The following ZMAT3 variants were observed in gnomAD, a reference collection of about 807,000 sequenced individuals.
The protein encoded by ZMAT3 is zinc finger matrin-type 3.
ZMAT3 carries 17 observed loss-of-function variants against 32.3 expected under a neutral mutation model. The ratio of observed to expected loss-of-function variants is 0.53; its 90% confidence interval spans 0.36 to 0.79. The LOEUF (loss-of-function observed/expected upper bound fraction) is 0.79. Ranked by LOEUF, ZMAT3 falls within the 30% of genes least tolerant of loss-of-function variation. The probability of loss-of-function intolerance (pLI) is 0.00; values close to 1 mark genes in which losing one functional copy is unlikely to be tolerated. For missense variants in ZMAT3, 329 were observed against 359.7 expected (o/e 0.91, Z 0.69); for synonymous variants, 120 against 133.1 (o/e 0.90, Z 0.68).
At chr3:179,058,314 G>A (rs1720959089) in intron 2 of ZMAT3, among the ~76,000 whole-genome samples, 1 of 152,204 alleles carries the variant, frequency 6.6e-6, no homozygotes, top group Non-Finnish European at 1.5e-5. Flanking sequence ...ACTCAACCCA[G>A]CCACATTTCT....
intron 2 of ZMAT3, among the ~76,000 whole-genome samples, chr3:179,039,621 G>A (rs1449216215): frequency 6.6e-6 from 1 of 152,136 alleles, no homozygotes; most frequent in Non-Finnish European, 1.5e-5. Flanking sequence ...AAAAAGATGG[G>A]GAGAAACCAG....
In ZMAT3 at chr3:179,023,689, A is replaced by AATATATAAATAT. The variant is rs1232846996; in HGVS notation, c.*1327_*1328insATATTTATATAT. On this transcript the variant is annotated 3_prime_UTR_variant, in exon 6 of 6. Transcript: ENST00000311417. ...CTTTGTTTCCTAAAAACTGCTGGAAAATATATCTATATATATATATATTTT... is the reference window on the plus strand; with the variant it reads ...CTTTGTTTCCTAAAAACTGCTGGAAAATATATAAATATATATATCTATATATATATATATTTT... 57 of 42,262 alleles carry AATATATAAATAT rather than the reference A, an allele frequency of 1.3e-3. 5 individuals carry two copies. Among genetic ancestry groups the AATATATAAATAT allele is most frequent in the South Asian group, 3.7e-3 (4 of 1,086 alleles). 2.6% of individuals were successfully genotyped at this position (42,262 alleles called of 1,614,324 possible). A position where few individuals can be genotyped will look rare whatever the true frequency, so the allele number is the denominator to read the frequency against.
rs538807496 is a variant in ZMAT3, at chr3:179,056,917, A to G, written c.270+10566T>C. On this transcript the variant is annotated intron_variant, in intron 2 of 5. Transcript: ENST00000311417. ...CATTCTAGCAAAAGCAGGGGCCATT[A>G]TACACCTGAACATAGGAGAAGGAAC... is the stretch of plus-strand genomic sequence containing the variant. Among the ~76,000 whole-genome samples, 3 of 152,312 alleles carry G rather than the reference A, an allele frequency of 2.0e-5. No individual in the cohort carries two copies. The South Asian group carries it at 6.2e-4, about 32-fold the overall frequency.
chr3:179,030,054 T>C (rs1282411581), intron 3 of ZMAT3, among the ~76,000 whole-genome samples: 1 of 152,198 alleles, frequency 6.6e-6, no homozygotes, highest in Admixed American at 6.5e-5. Flanking sequence ...AAGAGTAGAC[T>C]CCATGTTTCA....
intron 3 of ZMAT3, among the ~76,000 whole-genome samples, chr3:179,030,505 CCA>C (rs1719123387): frequency 6.6e-6 from 1 of 152,046 alleles, no homozygotes; most frequent in South Asian, 2.1e-4. Flanking sequence ...CAGGTGCCCG[CCA>C]CCACGCCTGG....
At chr3:179,063,928 A>G (rs1721273592) in intron 2 of ZMAT3, among the ~76,000 whole-genome samples, 1 of 152,232 alleles carries the variant, frequency 6.6e-6, no homozygotes, top group Admixed American at 6.5e-5. Context: ...TAAATCTGTG[A>G]TGACTACAGA....
At chr3:179,037,543 C>T (rs139577007) in intron 2 of ZMAT3, among the ~76,000 whole-genome samples, 23 of 152,244 alleles carry the variant, frequency 1.5e-4, no homozygotes, top group Admixed American at 6.5e-4. Flanking sequence ...GCGGAGTGAG[C>T]TCGGTGGAAT....
At chr3:179,067,393 C>T in intron 2 of ZMAT3, 90 bp downstream of exon 2, 1 of 1,360,338 alleles carries the variant, frequency 7.4e-7, no homozygotes, top group Non-Finnish European at 1.0e-6. Flanking sequence ...GTATTCCAGG[C>T]ACAGTCATAT....
rs1450452421 is a variant in ZMAT3, at chr3:179,023,588, A to T, written c.*1429T>A. 3.4e-5 allele frequency: 5 copies of T among 147,786 alleles called. No individual in the cohort carries two copies. The Admixed American group carries it at 3.4e-4, about 10-fold the overall frequency. 9.2% of individuals were successfully genotyped at this position (147,786 alleles called of 1,614,324 possible). A position where few individuals can be genotyped will look rare whatever the true frequency, so the allele number is the denominator to read the frequency against. On this transcript the variant is annotated 3_prime_UTR_variant, in exon 6 of 6. Transcript: ENST00000311417. ...GCAAAACAAAATATCAAGCAATCTG[A>T]ACTTATGGTTTAGATCATGATATAA...
At position 179,024,961 on chromosome 3, in the gene ZMAT3, T is replaced by G; in HGVS notation, c.*56A>C. 3 of 1,561,142 alleles carry G rather than the reference T, an allele frequency of 1.9e-6. No individual in the cohort carries two copies. The highest frequency in any genetic ancestry group is 1.7e-5 in the Admixed American group (1 of 59,890). ...CAAAAAGACCACAAAGCAGGGCAAG[T>G]TGACAAAAGGCAAACAACAGGCAGG... On this transcript the variant is annotated 3_prime_UTR_variant, in exon 6 of 6. Coordinates refer to ENST00000311417, the MANE Select transcript of ZMAT3 (RefSeq NM_022470.4).
chr3:179,052,033 T>G (rs1720593111), intron 2 of ZMAT3, among the ~76,000 whole-genome samples: 1 of 152,212 alleles, frequency 6.6e-6, no homozygotes. Flanking sequence ...CAACTAGAGA[T>G]GGATCAAAGA....
intron 1 of ZMAT3, among the ~76,000 whole-genome samples, chr3:179,069,998 T>C (rs1397273667): frequency 6.6e-6 from 1 of 152,062 alleles, no homozygotes; most frequent in African/African-American, 2.4e-5. Flanking sequence ...CGGAACTAAG[T>C]AGACAAAGAA....
In ZMAT3 at chr3:179,027,959, C is replaced by T. The variant is rs1429326235; in HGVS notation, c.391-147G>A. ...AGCTTCATCAAGAAAATAATTCAAT[C>T]CAGGAAAACAAAAAGGCTGGGAGAT... On this transcript the variant is annotated intron_variant, in intron 3 of 5. Transcript: ENST00000311417. The T allele has an allele frequency of 3.6e-6, 3 of 825,366 alleles. No homozygotes were observed. In the African/African-American group the frequency reaches 5.2e-5, roughly 14 times the overall value. The allele number at this position is 825,366 out of a possible 1,614,324, so 51.1% of individuals were successfully genotyped here.
chr3:179,067,406 G>C, intron 2 of ZMAT3, 77 bp downstream of exon 2: 1 of 1,488,090 alleles, frequency 6.7e-7, no homozygotes. Context: ...AGTCATATCT[G>C]GAGAGACAAC....
At position 179,055,832 on chromosome 3, in the gene ZMAT3, G is replaced by A. The variant is rs530776086; in HGVS notation, c.270+11651C>T. On this transcript the variant is annotated intron_variant, in intron 2 of 5. Transcript: ENST00000311417. ...AGAAGTGCCGCTGTAACTGCAGCCC[G>A]AGAGTTTGGCGATCTTTGGTATCTC... Among the ~76,000 whole-genome samples, 6 of 152,280 alleles carry A rather than the reference G, an allele frequency of 3.9e-5. No individual in the cohort carries two copies. In the South Asian group the frequency reaches 1.0e-3, roughly 26 times the overall value.
intron 2 of ZMAT3, among the ~76,000 whole-genome samples, chr3:179,064,296 T>C (rs2108587402): frequency 6.6e-6 from 1 of 152,386 alleles, no homozygotes; most frequent in Non-Finnish European, 1.5e-5. Flanking sequence ...ATGCTCTGTA[T>C]TAAAAATTAG....
At position 179,023,602 on chromosome 3, in the gene ZMAT3, A is replaced by G. The variant is rs1395011119; in HGVS notation, c.*1415T>C. 5 of 145,286 alleles carry G rather than the reference A, an allele frequency of 3.4e-5. No individual in the cohort carries two copies. Among genetic ancestry groups the G allele is most frequent in the African/African-American group, 7.7e-5 (3 of 39,064 alleles). The allele number at this position is 145,286 out of a possible 1,614,324, so 9.0% of individuals were successfully genotyped here. On this transcript the variant is annotated 3_prime_UTR_variant, in exon 6 of 6. Coordinates refer to ENST00000311417, the MANE Select transcript of ZMAT3 (RefSeq NM_022470.4). ...CAAGCAATCTGAACTTATGGTTTAGATCATGATATAAGCGCATGTTACTAT... is the reference window on the plus strand; with the variant it reads ...CAAGCAATCTGAACTTATGGTTTAGGTCATGATATAAGCGCATGTTACTAT...
chr3:179,058,476 G>A (rs1576872572), intron 2 of ZMAT3, among the ~76,000 whole-genome samples: 1 of 152,210 alleles, frequency 6.6e-6, no homozygotes, highest in East Asian at 1.9e-4. Flanking sequence ...AGGACTTCGG[G>A]ACGGGCGCGG....
intron 2 of ZMAT3, among the ~76,000 whole-genome samples, chr3:179,035,001 T>A (rs935425538): frequency 1.3e-5 from 2 of 152,234 alleles, no homozygotes; most frequent in African/African-American, 4.8e-5. Context: ...GTCTCTGCTG[T>A]TAATCTTGTC....
Sources: gnomAD v4.1 joint callset for allele counts (sites outside exome capture counted in the v4.1 genomes callset) on GRCh38, gnomAD v4.1.1 for gene constraint, MANE v1.5 for transcripts, NCBI Gene and HGNC (gene_info 2026-07-23, HGNC 2026-07-21) for gene names.